The following WWTR1 variants were observed in gnomAD, a reference collection of about 807,000 sequenced individuals.
The protein encoded by WWTR1 is WW domain-containing transcription regulator protein 1.
WWTR1 carries 13 observed loss-of-function variants against 40.1 expected under a neutral mutation model. That is an observed-to-expected ratio of 0.32 (90% CI 0.21 to 0.52). The LOEUF (loss-of-function observed/expected upper bound fraction) is 0.52. Among genes scored for constraint, WWTR1 ranks in the 20% least tolerant of loss-of-function variants. The pLI, the probability that WWTR1 is intolerant of heterozygous loss-of-function variation, is 0.97. For synonymous variants in WWTR1, 230 were observed against 210.1 expected (o/e 1.09, Z -0.82); for missense variants, 436 against 523.1 (o/e 0.83, Z 1.63).
At chr3:149,655,418 G>A (rs1298735751) in intron 2 of WWTR1, among the ~76,000 whole-genome samples, 1 of 151,754 alleles carries the variant, frequency 6.6e-6, no homozygotes, top group African/African-American at 2.4e-5. Context: ...GCACTCCAGC[G>A]TGGGCGACAG....
chr3:149,699,900 A>T (rs1021573929), intron 1 of WWTR1, among the ~76,000 whole-genome samples: 1 of 152,150 alleles, frequency 6.6e-6, no homozygotes, highest in Non-Finnish European at 1.5e-5. Context: ...ACATCTTCAA[A>T]TATCTTTATA....
At chr3:149,673,757 G>C (rs1714167226) in intron 1 of WWTR1, among the ~76,000 whole-genome samples, 1 of 152,088 alleles carries the variant, frequency 6.6e-6, no homozygotes, top group African/African-American at 2.4e-5. Flanking sequence ...TGCATTCTTT[G>C]ACAATAACCA....
chr3:149,657,740 G>A lies in WWTR1; in HGVS notation c.-4+25C>T, dbSNP rs1713337986. On this transcript the variant is annotated intron_variant, in intron 1 of 6. Transcript: ENST00000360632. The stretch of plus-strand genomic sequence containing the variant: ...GGAGCCCTGGAGTGGTGCCGGATGA[G>A]CGCGCGAGCTCCAGCGGGCACTACC... 3 of 160,896 alleles carry A rather than the reference G, an allele frequency of 1.9e-5. No individual in the cohort carries two copies. The South Asian group carries it at 5.6e-4, about 30-fold the overall frequency. 10.0% of individuals were successfully genotyped at this position (160,896 alleles called of 1,614,324 possible).
intron 2 of WWTR1, among the ~76,000 whole-genome samples, chr3:149,618,730 C>T (rs113001668): frequency 5.9e-5 from 9 of 152,282 alleles, no homozygotes; most frequent in African/African-American, 2.2e-4. Flanking sequence ...GAACACAGCT[C>T]TATTTAGACA....
At chr3:149,632,310 G>A (rs1325232772) in intron 2 of WWTR1, among the ~76,000 whole-genome samples, 1 of 152,138 alleles carries the variant, frequency 6.6e-6, no homozygotes, top group East Asian at 1.9e-4. Flanking sequence ...GTAGTTTCTA[G>A]CATAGCTCTG....
At chr3:149,572,459 T>C (rs376245961) in intron 3 of WWTR1, among the ~76,000 whole-genome samples, 1 of 151,912 alleles carries the variant, frequency 6.6e-6, no homozygotes, top group Non-Finnish European at 1.5e-5. Flanking sequence ...ATTAAGGCCA[T>C]TGGAGGGAAG....
chr3:149,550,910 T>C (rs1736590669), intron 3 of WWTR1, among the ~76,000 whole-genome samples: 1 of 144,462 alleles, frequency 6.9e-6, no homozygotes, highest in Admixed American at 6.9e-5. Flanking sequence ...CCAAATTATC[T>C]ATCTTTTAGT....
chr3:149,609,365 A>C (rs1249331000), intron 2 of WWTR1, among the ~76,000 whole-genome samples: 1 of 152,240 alleles, frequency 6.6e-6, no homozygotes, highest in Non-Finnish European at 1.5e-5. Context: ...TTATTGCGCT[A>C]GTTCACCAGG....
chr3:149,601,207 T>C (rs1739228253), intron 2 of WWTR1, among the ~76,000 whole-genome samples: 1 of 152,192 alleles, frequency 6.6e-6, no homozygotes, highest in Admixed American at 6.5e-5. Flanking sequence ...TTCTTTCTTT[T>C]TGAGACAGAG....
rs139718454 is a variant in WWTR1 at position 149,669,309 on chromosome 3, C to T, written c.-4+479G>A. 2.6e-3 allele frequency among the ~76,000 whole-genome samples: 400 copies of T among 152,316 alleles called. 2 individuals are homozygous for T. The highest frequency in any genetic ancestry group is 4.3e-3 in the Non-Finnish European group (292 of 68,032). On this transcript the variant is annotated intron_variant, in intron 2 of 7. Transcript: ENST00000465804. ...TACCAAGGAAAATCCCAAATGAGTT[C>T]CTGCACCAGTCCCATTACTCTGCAG... is the stretch of plus-strand genomic sequence containing the variant.
At chr3:149,722,439 A>G (rs1031475091) in intron 4 of WWTR1, among the ~76,000 whole-genome samples, 4 of 151,858 alleles carry the variant, frequency 2.6e-5, no homozygotes, top group African/African-American at 4.8e-5. Context: ...TCTGTGTTCC[A>G]TAAGTTTGGG....
At chr3:149,571,046 C>A (rs1206424119) in intron 3 of WWTR1, among the ~76,000 whole-genome samples, 1 of 151,906 alleles carries the variant, frequency 6.6e-6, no homozygotes, top group Non-Finnish European at 1.5e-5. Context: ...TATGTATGGA[C>A]AGGCAGGTGA....
upstream of WWTR1, chr3:149,658,234 C>G (rs893013583): frequency 2.0e-5 from 3 of 152,412 alleles, no homozygotes; most frequent in African/African-American, 7.2e-5. Flanking sequence ...ACGGGTGCCC[C>G]CCACCCACTC....
chr3:149,532,275 CAAA>C (rs200128276), intron 4 of WWTR1, among the ~76,000 whole-genome samples: 4 of 151,614 alleles, frequency 2.6e-5, no homozygotes, highest in Non-Finnish European at 5.9e-5. Flanking sequence ...ATTCCAATCT[CAAA>C]AAAAACAAAA....
At chr3:149,621,781 T>C (rs186178627) in intron 2 of WWTR1, among the ~76,000 whole-genome samples, 1 of 152,378 alleles carries the variant, frequency 6.6e-6, no homozygotes, top group African/African-American at 2.4e-5. Flanking sequence ...CTCAAAGTTG[T>C]ACATGGACGA....
At chr3:149,527,788 C>T in intron 5 of WWTR1, 48 bp downstream of exon 5, 1 of 1,609,016 alleles carries the variant, frequency 6.2e-7, no homozygotes, top group Non-Finnish European at 8.5e-7. Flanking sequence ...TAGTCTAGAT[C>T]ACATAATAAA....
chr3:149,638,861 G>T (rs1357954604), intron 2 of WWTR1, among the ~76,000 whole-genome samples: 2 of 152,144 alleles, frequency 1.3e-5, no homozygotes, highest in Non-Finnish European at 2.9e-5. Flanking sequence ...AAACAAACAG[G>T]TTTTTAAATT....
intron 5 of WWTR1, among the ~76,000 whole-genome samples, chr3:149,716,314 A>G (rs1380239529): frequency 6.6e-6 from 1 of 151,238 alleles, no homozygotes; most frequent in Non-Finnish European, 1.5e-5. Context: ...CCTGGAAGGC[A>G]GAGGGTGCAG....
At chr3:149,660,106 A>G (rs1713507219), upstream of WWTR1, 1 of 152,132 alleles carries the variant, frequency 6.6e-6, no homozygotes, top group Non-Finnish European at 1.5e-5. Context: ...GAAAGGGGAA[A>G]CTAGCACAGG....
Sources: gnomAD v4.1 joint callset for allele counts (sites outside exome capture counted in the v4.1 genomes callset) on GRCh38, gnomAD v4.1.1 for gene constraint, MANE v1.5 for transcripts, NCBI Gene and HGNC (gene_info 2026-07-23, HGNC 2026-07-21) for gene names.